NRXN3: variants seen among roughly 807,000 people sequenced by gnomAD.
NRXN3 encodes neurexin III.
Under a neutral mutation model 137.6 loss-of-function variants are expected in NRXN3, and 32 were observed. The ratio of observed to expected loss-of-function variants is 0.23; its 90% CI spans 0.18 to 0.31. The LOEUF (loss-of-function observed/expected upper bound fraction) is 0.31, where lower values mean the gene tolerates loss of function less well. Ranked by LOEUF, NRXN3 falls within the 10% of genes least tolerant of loss-of-function variation. NRXN3 has a pLI of 1.00. For missense variants in NRXN3, 1,574 were observed against 2,062.5 expected, an observed-to-expected ratio of 0.76 and a Z score of 4.59; for synonymous variants, 798 against 784.5, an observed-to-expected ratio of 1.02 and a Z score of -0.29.
intron 4 of NRXN3, among the ~76,000 whole-genome samples, chr14:78,564,035 A>C (rs2096813279): frequency 6.6e-6 from 1 of 152,202 alleles, no homozygotes; most frequent in Admixed American, 6.5e-5. Context: ...AGCACATTTC[A>C]ATTAGGTATT....
intron 19 of NRXN3, among the ~76,000 whole-genome samples, chr14:79,706,262 C>T (rs564297303): frequency 6.6e-6 from 1 of 152,282 alleles, no homozygotes; most frequent in Admixed American, 6.5e-5. Context: ...GTTTTCAAAT[C>T]ACTTTTGGAA....
At chr14:79,376,637 T>A (rs960229447) in intron 15 of NRXN3, among the ~76,000 whole-genome samples, 1 of 152,166 alleles carries the variant, frequency 6.6e-6, no homozygotes. Context: ...AGATCCTTTT[T>A]AATTCTGTTT....
At chr14:79,469,805 A>G (rs116791846) in intron 16 of NRXN3, among the ~76,000 whole-genome samples, 3,622 of 152,240 alleles carry the variant, frequency 0.024, 154 homozygotes, top group African/African-American at 0.083. Context: ...AGGCCCCTTC[A>G]TGGGTCTAGT....
intron 15 of NRXN3, among the ~76,000 whole-genome samples, chr14:79,341,836 A>G (rs906027221): frequency 2.6e-5 from 4 of 152,230 alleles, no homozygotes; most frequent in Admixed American, 2.0e-4. Context: ...AGATCCAAGT[A>G]AGACCCCAAA....
chr14:78,268,441 C>T (rs2072170921), intron 2 of NRXN3, among the ~76,000 whole-genome samples: 1 of 152,182 alleles, frequency 6.6e-6, no homozygotes, highest in Non-Finnish European at 1.5e-5. Flanking sequence ...GTACATACAA[C>T]AATGCACATT....
At position 78,715,607 on chromosome 14, in the gene NRXN3, T is replaced by C. The variant is rs10483913; in HGVS notation, c.2044+468T>C. 0.011 allele frequency among the ~76,000 whole-genome samples: 1,645 copies of C among 152,256 alleles called. 89 individuals carry two copies. The East Asian group carries it at 0.18, about 16-fold the overall frequency. On this transcript the variant is annotated intron_variant, in intron 8 of 20. Coordinates refer to ENST00000335750, the MANE Select transcript of NRXN3 (RefSeq NM_001330195.2). ...AATATTTAGCCATTAAATAACTGAT[T>C]ACAAACATGGTGAGTTTTATAAGAG...
At chr14:79,247,865 T>C (rs1463572157) in intron 15 of NRXN3, among the ~76,000 whole-genome samples, 2 of 151,976 alleles carry the variant, frequency 1.3e-5, no homozygotes, top group African/African-American at 2.4e-5. Context: ...GACCTTACAT[T>C]GTGTGTGTTT....
At chr14:78,278,127 A>G (rs1445857677) in intron 2 of NRXN3, among the ~76,000 whole-genome samples, 1 of 152,164 alleles carries the variant, frequency 6.6e-6, no homozygotes, top group Non-Finnish European at 1.5e-5. Context: ...TATGTGGTGA[A>G]TAAATCTGTA....
chr14:79,409,721 G>A (rs2095385355), intron 15 of NRXN3, among the ~76,000 whole-genome samples: 2 of 150,172 alleles, frequency 1.3e-5, no homozygotes, highest in South Asian at 2.1e-4. Flanking sequence ...TTAATTCTGT[G>A]AGCTGAGACA....
At chr14:79,039,634 C>T (rs1174480401) in intron 15 of NRXN3, among the ~76,000 whole-genome samples, 3 of 152,094 alleles carry the variant, frequency 2.0e-5, no homozygotes, top group African/African-American at 2.4e-5. Context: ...CAAACTTCTC[C>T]TTCCCCAGGC....
chr14:78,736,906 G>T (rs1238683941), intron 8 of NRXN3, among the ~76,000 whole-genome samples: 3 of 151,980 alleles, frequency 2.0e-5, no homozygotes, highest in Non-Finnish European at 4.4e-5. Flanking sequence ...GTGTAGGGAG[G>T]TCATGGATGT....
chr14:79,824,870 A>C (rs2099288659), intron 20 of NRXN3, among the ~76,000 whole-genome samples: 1 of 152,206 alleles, frequency 6.6e-6, no homozygotes, highest in Non-Finnish European at 1.5e-5. Context: ...CGGATGCATA[A>C]AGATTTGCTT....
chr14:79,597,961 A>G (rs2097877968), intron 16 of NRXN3, among the ~76,000 whole-genome samples: 1 of 152,212 alleles, frequency 6.6e-6, no homozygotes, highest in Non-Finnish European at 1.5e-5. Context: ...AAGCATTCCA[A>G]GATGCCCGTT....
In NRXN3 at chr14:78,243,890, C is replaced by A. The variant is rs985790174; in HGVS notation, c.709+88C>A. On this transcript the variant is annotated intron_variant, in intron 2 of 20. Coordinates refer to ENST00000335750, the MANE Select transcript of NRXN3 (RefSeq NM_001330195.2). This position sits in a 1 kb window ranked among gnomAD's most constrained non-coding sequence, Gnocchi z 4.2. ...GATACAAACCAGTTCTATATGGATG[C>A]ATATCTTTAGCTGCATGTTAGATCA... 1.1e-5 allele frequency: 11 copies of A among 960,110 alleles called. No homozygotes were observed. In the Admixed American group the frequency reaches 2.0e-4, roughly 17 times the overall value. The allele number at this position is 960,110 out of a possible 1,614,324, so 59.5% of individuals were successfully genotyped here.
intron 2 of NRXN3, 82 bp from the exon 3 acceptor site, chr14:78,278,563 G>T: frequency 2.0e-6 from 2 of 1,012,244 alleles, no homozygotes; most frequent in Non-Finnish European, 3.0e-6. Context: ...TTGTGTGTGT[G>T]TGTGCTGCTA....
chr14:79,826,022 G>C (rs1006905254), intron 20 of NRXN3, among the ~76,000 whole-genome samples: 8 of 151,728 alleles, frequency 5.3e-5, no homozygotes, highest in African/African-American at 1.9e-4. Flanking sequence ...TGGGGGGACA[G>C]TCTCACTCTG....
chr14:78,501,077 G>T (rs2095869348), intron 4 of NRXN3, among the ~76,000 whole-genome samples: 1 of 152,072 alleles, frequency 6.6e-6, no homozygotes, highest in Non-Finnish European at 1.5e-5. Flanking sequence ...CTTATGACAT[G>T]CAACTTCCAC....
chr14:79,031,481 A>G (rs1325518771), intron 15 of NRXN3, among the ~76,000 whole-genome samples: 1 of 152,102 alleles, frequency 6.6e-6, no homozygotes, highest in Non-Finnish European at 1.5e-5. Flanking sequence ...GGATTTGGCT[A>G]TTTGCAAAGT....
At chr14:79,855,978 A>G (rs2099401679) in intron 20 of NRXN3, among the ~76,000 whole-genome samples, 1 of 152,224 alleles carries the variant, frequency 6.6e-6, no homozygotes. Flanking sequence ...GCTCTTAATA[A>G]GCAAATGAAA....
Sources: gnomAD v4.1 joint callset for allele counts (sites outside exome capture counted in the v4.1 genomes callset) on GRCh38, gnomAD v4.1.1 for gene constraint, Gnocchi (gnomAD v3.1) non-coding constraint, MANE v1.5 for transcripts, NCBI Gene and HGNC (gene_info 2026-07-23, HGNC 2026-07-21) for gene names.